CTIF: variants seen among roughly 807,000 people sequenced by gnomAD.
CTIF encodes CBP80/20-dependent translation initiation factor.
A neutral mutation model predicts 66.0 loss-of-function variants in CTIF; 21 were observed. The observed-to-expected ratio is 0.32, with a 90% CI of 0.23 to 0.46. CTIF has a LOEUF of 0.46. Among genes scored for constraint, CTIF ranks in the 20% least tolerant of loss-of-function variants. The pLI is 1.00. For synonymous variants in CTIF, 345 were observed against 326.4 expected (o/e 1.06, Z -0.62); for missense variants, 739 against 812.7 (o/e 0.91, Z 1.10).
chr18:48,832,428 C>G (rs1901312668), intron 10 of CTIF, among the ~76,000 whole-genome samples: 1 of 152,140 alleles, frequency 6.6e-6, no homozygotes, highest in Non-Finnish European at 1.5e-5. Context: ...CTCAGCCTCC[C>G]AAAGTGCTAA....
At chr18:48,815,436 A>G (rs1465642180) in intron 9 of CTIF, among the ~76,000 whole-genome samples, 1 of 152,256 alleles carries the variant, frequency 6.6e-6, no homozygotes, top group Non-Finnish European at 1.5e-5. Context: ...ACTATGTAAA[A>G]TACCACAATT....
At chr18:48,585,047 G>A (rs939570951) in intron 1 of CTIF, among the ~76,000 whole-genome samples, 43 of 152,222 alleles carry the variant, frequency 2.8e-4, no homozygotes, top group East Asian at 1.9e-4. Context: ...TGTTCCATGC[G>A]TGTGTCTTTG....
chr18:48,828,858 C>T (rs1057129708), intron 10 of CTIF, among the ~76,000 whole-genome samples: 14 of 152,226 alleles, frequency 9.2e-5, no homozygotes, highest in Non-Finnish European at 1.6e-4. Flanking sequence ...GGGCACCTTC[C>T]CAGCCCCCAG....
At chr18:48,658,788 G>A (rs2091289794) in intron 3 of CTIF, among the ~76,000 whole-genome samples, 1 of 152,178 alleles carries the variant, frequency 6.6e-6, no homozygotes, top group African/African-American at 2.4e-5. Flanking sequence ...TTGTATGGCT[G>A]TAAGCATTTG....
intron 7 of CTIF, among the ~76,000 whole-genome samples, chr18:48,720,254 T>TC (rs1359358282): frequency 6.6e-6 from 1 of 152,184 alleles, no homozygotes; most frequent in African/African-American, 2.4e-5. Flanking sequence ...GGTGGTAGCT[T>TC]CGCTAGGGGA....
chr18:48,601,707 C>A (rs1599222257), intron 1 of CTIF, among the ~76,000 whole-genome samples: 1 of 152,188 alleles, frequency 6.6e-6, no homozygotes, highest in East Asian at 1.9e-4. Context: ...CTTCTTGGAC[C>A]AAGACTGCAT....
intron 7 of CTIF, among the ~76,000 whole-genome samples, chr18:48,716,640 T>C (rs2092284921): frequency 6.6e-6 from 1 of 151,970 alleles, no homozygotes; most frequent in Non-Finnish European, 1.5e-5. Flanking sequence ...CCAATTGAAC[T>C]ACATAGAAGG....
chr18:48,664,578 GGGT>G (rs1290654570), intron 5 of CTIF, 27 bp downstream of exon 5: 2 of 1,593,750 alleles, frequency 1.3e-6, no homozygotes, highest in Non-Finnish European at 1.7e-6. Context: ...CTCTTACCCA[GGGT>G]GGGGTGGGGC....
At chr18:48,659,781 T>A (rs960730542) in intron 3 of CTIF, among the ~76,000 whole-genome samples, 1 of 152,136 alleles carries the variant, frequency 6.6e-6, no homozygotes, top group African/African-American at 2.4e-5. Context: ...GTGCCGAGTT[T>A]TCCAGCCTGG....
chr18:48,711,829 T>C, intron 7 of CTIF, 134 bp downstream of exon 7: 1 of 733,746 alleles, frequency 1.4e-6, no homozygotes, highest in Non-Finnish European at 2.4e-6. Flanking sequence ...GGTGGCATCG[T>C]GGGTTGGTTA....
chr18:48,599,318 T>C (rs978246229), intron 1 of CTIF, among the ~76,000 whole-genome samples: 2 of 151,152 alleles, frequency 1.3e-5, no homozygotes, highest in African/African-American at 4.9e-5. Flanking sequence ...TTTACATTTT[T>C]CCTCTTAAAG....
chr18:48,705,839 T>G (rs2092145301), intron 6 of CTIF, among the ~76,000 whole-genome samples: 1 of 152,262 alleles, frequency 6.6e-6, no homozygotes, highest in African/African-American at 2.4e-5. Context: ...GAACCTTCCC[T>G]GACTCTTCTC....
At position 48,750,961 on chromosome 18, in the gene CTIF, T is replaced by G. The variant is rs28548434; in HGVS notation, c.585-6958T>G. ...ACTATATAAGTTCAAACCCAGGCTC[T>G]GCTTGGTGCAAGTTGTGTGTCCTTG... On this transcript the variant is annotated intron_variant, in intron 7 of 11. Transcript: ENST00000256413. Among the ~76,000 whole-genome samples, 823 of 152,364 alleles carry G rather than the reference T, an allele frequency of 5.4e-3. 12 individuals are homozygous for G. The highest frequency in any genetic ancestry group is 0.018 in the African/African-American group (748 of 41,590).
intron 2 of CTIF, among the ~76,000 whole-genome samples, chr18:48,628,205 C>T (rs1024094442): frequency 8.5e-5 from 13 of 152,090 alleles, no homozygotes; most frequent in African/African-American, 2.2e-4. Context: ...TCAAGAGTCC[C>T]GTTTGGGCAT....
intron 9 of CTIF, among the ~76,000 whole-genome samples, chr18:48,784,901 C>T (rs762892928): frequency 3.9e-5 from 6 of 152,192 alleles, no homozygotes; most frequent in South Asian, 2.1e-4. Context: ...TGGAGGAAAC[C>T]CTCGCTGTCA....
chr18:48,830,380 T>C (rs1048936863), intron 10 of CTIF, among the ~76,000 whole-genome samples: 1 of 152,286 alleles, frequency 6.6e-6, no homozygotes, highest in African/African-American at 2.4e-5. Flanking sequence ...GCCAGGCTGA[T>C]CTCAAACTCC....
intron 3 of CTIF, 33 bp downstream of exon 3, chr18:48,636,718 T>C: frequency 1.3e-6 from 2 of 1,498,146 alleles, no homozygotes; most frequent in Admixed American, 2.3e-5. Context: ...TGTCTGGGGG[T>C]GTCCTATGTC....
intron 1 of CTIF, among the ~76,000 whole-genome samples, chr18:48,562,139 T>A (rs2089177063): frequency 6.6e-6 from 1 of 152,260 alleles, no homozygotes; most frequent in African/African-American, 2.4e-5. Flanking sequence ...CTCTTCTTTA[T>A]TTTTAACAAT....
intron 3 of CTIF, among the ~76,000 whole-genome samples, chr18:48,663,319 G>C (rs1201792884): frequency 6.6e-6 from 1 of 152,182 alleles, no homozygotes; most frequent in Non-Finnish European, 1.5e-5. Flanking sequence ...AGCCTTGGTC[G>C]GTGGGGGCTT....
Sources: allele counts gnomAD v4.1 joint callset (sites outside exome capture counted in the v4.1 genomes callset), GRCh38; gene constraint gnomAD v4.1.1; transcripts MANE v1.5; gene names NCBI Gene and HGNC (gene_info 2026-07-23, HGNC 2026-07-21).